Variants in SEMA3A observed in about 807,000 individuals in gnomAD.
SEMA3A encodes the protein semaphorin 3A.
A neutral mutation model predicts 97.9 loss-of-function variants in SEMA3A; 29 were observed. The observed-to-expected ratio is 0.30, with a 90% CI of 0.22 to 0.40. SEMA3A has a LOEUF of 0.40. Ranked by LOEUF, SEMA3A falls within the 10% of genes least tolerant of loss-of-function variation. The pLI, the probability that SEMA3A is intolerant of heterozygous loss-of-function variation, is 1.00. For synonymous variants in SEMA3A, 321 were observed against 323.7 expected (o/e 0.99, Z 0.09); for missense variants, 763 against 951.3 (o/e 0.80, Z 2.60).
intron 4 of SEMA3A, among the ~76,000 whole-genome samples, chr7:84,105,157 T>C (rs1408661666): frequency 2.6e-5 from 4 of 152,174 alleles, no homozygotes; most frequent in East Asian, 3.9e-4. Flanking sequence ...CAACTCCTTA[T>C]TGTTTTCCCA....
At chr7:84,473,141 G>GGTGTGTGTGTGTGT (rs61623414) in intron 1 of SEMA3A, among the ~76,000 whole-genome samples, 3,692 of 141,408 alleles carry the variant, frequency 0.026, 93 homozygotes, top group Admixed American at 0.054. Context: ...AAAAAGAAAT[G>GGTGTGTGTGTGTGT]GTGTGTGTGT....
At chr7:84,239,586 A>C (rs1562866696) in intron 3 of SEMA3A, among the ~76,000 whole-genome samples, 1 of 152,210 alleles carries the variant, frequency 6.6e-6, no homozygotes, top group Admixed American at 6.5e-5. Context: ...CTGACTAAAA[A>C]TGCAGTGCCA....
At chr7:84,179,496 T>A (rs77105556) in intron 1 of SEMA3A, among the ~76,000 whole-genome samples, 1 of 152,158 alleles carries the variant, frequency 6.6e-6, no homozygotes, top group Non-Finnish European at 1.5e-5. Context: ...ATTTTCCTCA[T>A]ACTCAATAGC....
At chr7:84,119,324 T>G (rs190681799) in intron 3 of SEMA3A, among the ~76,000 whole-genome samples, 1 of 152,264 alleles carries the variant, frequency 6.6e-6, no homozygotes, top group African/African-American at 2.4e-5. Context: ...TTCAGGAATT[T>G]TCTGCTCTTA....
chr7:84,175,730 C>T (rs1306272569), intron 1 of SEMA3A, among the ~76,000 whole-genome samples: 9 of 92,758 alleles, frequency 9.7e-5, no homozygotes. Flanking sequence ...AAACCTACAG[C>T]AACCTTTTTT....
chr7:84,086,911 C>T (rs1454649237), intron 4 of SEMA3A, among the ~76,000 whole-genome samples: 1 of 118,730 alleles, frequency 8.4e-6, no homozygotes, highest in Non-Finnish European at 2.0e-5. Flanking sequence ...TAAGTAGCTA[C>T]TCAGTAATTC....
chr7:84,099,622 T>C (rs1414018986), intron 4 of SEMA3A, among the ~76,000 whole-genome samples: 4 of 152,160 alleles, frequency 2.6e-5, no homozygotes, highest in Admixed American at 2.0e-4. Flanking sequence ...TAAAACAAGT[T>C]TGACTAATTC....
intron 1 of SEMA3A, among the ~76,000 whole-genome samples, chr7:84,150,898 C>G (rs998096840): frequency 2.7e-5 from 4 of 150,936 alleles, no homozygotes; most frequent in African/African-American, 9.7e-5. Flanking sequence ...GATCTGAGAA[C>G]GGGCAGACTG....
intron 1 of SEMA3A, among the ~76,000 whole-genome samples, chr7:84,459,346 A>C (rs1805765616): frequency 6.6e-6 from 1 of 152,244 alleles, no homozygotes; most frequent in African/African-American, 2.4e-5. Flanking sequence ...AATTCTCCAC[A>C]GAATGCTGAT....
chr7:84,233,728 T>C (rs1007511838), intron 3 of SEMA3A, among the ~76,000 whole-genome samples: 2 of 152,026 alleles, frequency 1.3e-5, no homozygotes, highest in African/African-American at 4.8e-5. Flanking sequence ...TCCTACTGTT[T>C]TCAATTCAGT....
At chr7:84,252,701 T>C (rs371741570) in intron 3 of SEMA3A, among the ~76,000 whole-genome samples, 36 of 152,296 alleles carry the variant, frequency 2.4e-4, no homozygotes, top group Admixed American at 3.9e-4. Flanking sequence ...TAAAAATATA[T>C]GGATGATATA....
At chr7:84,463,469 C>G (rs553708876) in intron 1 of SEMA3A, among the ~76,000 whole-genome samples, 1 of 151,786 alleles carries the variant, frequency 6.6e-6, no homozygotes, top group Non-Finnish European at 1.5e-5. Context: ...AGGATAGTCC[C>G]GATCTCCTAA....
intron 1 of SEMA3A, among the ~76,000 whole-genome samples, chr7:84,457,904 A>G (rs1771125811): frequency 6.6e-6 from 1 of 152,014 alleles, no homozygotes; most frequent in Admixed American, 6.5e-5. Context: ...TGGGAAATTA[A>G]CAAACAGATA....
At chr7:84,236,037 T>C (rs1162657074) in intron 3 of SEMA3A, among the ~76,000 whole-genome samples, 5 of 152,168 alleles carry the variant, frequency 3.3e-5, no homozygotes, top group Non-Finnish European at 7.4e-5. Flanking sequence ...ACATGCCTAA[T>C]TGGCTACTGT....
At chr7:84,333,129 G>T (rs1006595300) in intron 2 of SEMA3A, among the ~76,000 whole-genome samples, 10 of 152,104 alleles carry the variant, frequency 6.6e-5, no homozygotes, top group African/African-American at 2.4e-4. Flanking sequence ...AATGACAATT[G>T]TAACTTTGTA....
chr7:84,243,686 C>G (rs1799417885), intron 3 of SEMA3A, among the ~76,000 whole-genome samples: 1 of 151,832 alleles, frequency 6.6e-6, no homozygotes. Flanking sequence ...TTCTTGTCTT[C>G]TGCTAGCTTT....
chr7:84,200,351 A>G (rs1798323744), intron 3 of SEMA3A, among the ~76,000 whole-genome samples: 1 of 152,100 alleles, frequency 6.6e-6, no homozygotes, highest in Non-Finnish European at 1.5e-5. Context: ...ATGGCGGTAG[A>G]GTGGAAGAAA....
In SEMA3A at chr7:84,123,892, A is replaced by C. The variant is rs535903591; in HGVS notation, c.333+5231T>G. On this transcript the variant is annotated intron_variant, in intron 3 of 16. Coordinates refer to ENST00000265362, the MANE Select transcript of SEMA3A (RefSeq NM_006080.3). Reference sequence around the variant, plus strand: ...GGCTACAGGTTTCCTCTTTAACAACAAAGTCCATTCTTTGTGGAATAGTTG... The same window carrying C: ...GGCTACAGGTTTCCTCTTTAACAACCAAGTCCATTCTTTGTGGAATAGTTG... 5.3e-5 allele frequency among the ~76,000 whole-genome samples: 8 copies of C among 152,074 alleles called. No individual in the cohort carries two copies. In the South Asian group the frequency reaches 1.7e-3, roughly 32 times the overall value.
chr7:84,050,998 T>G (rs1792608202), intron 5 of SEMA3A, among the ~76,000 whole-genome samples: 1 of 151,844 alleles, frequency 6.6e-6, no homozygotes, highest in African/African-American at 2.4e-5. Flanking sequence ...TTTCTCAGGT[T>G]TGTCAAAGAT....
Sources: gnomAD v4.1 joint callset for allele counts (sites outside exome capture counted in the v4.1 genomes callset) on GRCh38, gnomAD v4.1.1 for gene constraint, MANE v1.5 for transcripts, NCBI Gene and HGNC (gene_info 2026-07-23, HGNC 2026-07-21) for gene names.